The following FAM13A variants were observed in gnomAD, a reference collection of about 807,000 sequenced individuals.
The protein encoded by FAM13A is protein FAM13A.
FAM13A carries 76 observed loss-of-function variants against 129.6 expected under a neutral mutation model. The observed-to-expected ratio is 0.59, with a 90% CI of 0.49 to 0.71. The LOEUF is 0.71. Ranked by LOEUF, FAM13A falls within the 30% of genes least tolerant of loss-of-function variation. The pLI, the probability that FAM13A is intolerant of heterozygous loss-of-function variation, is 0.00. For synonymous variants in FAM13A, 443 were observed against 449.9 expected (o/e 0.98, Z 0.20); for missense variants, 1,108 against 1,249.3 (o/e 0.89, Z 1.70).
intron 7 of FAM13A, among the ~76,000 whole-genome samples, chr4:88,827,811 T>C (rs772522750): frequency 6.6e-6 from 1 of 152,228 alleles, no homozygotes; most frequent in Non-Finnish European, 1.5e-5. Flanking sequence ...CATCCTACCA[T>C]GCTTGCGATT....
chr4:88,841,493 CAAAAAA>C (rs35396785), intron 7 of FAM13A, among the ~76,000 whole-genome samples: 91 of 96,634 alleles, frequency 9.4e-4, no homozygotes, highest in Non-Finnish European at 1.5e-3. Flanking sequence ...GACTCTGTCT[CAAAAAA>C]AAAAAAAAAA....
At chr4:88,827,012 T>C (rs571618671) in intron 7 of FAM13A, among the ~76,000 whole-genome samples, 2 of 152,178 alleles carry the variant, frequency 1.3e-5, no homozygotes, top group Admixed American at 6.5e-5. Context: ...CTTACAGACT[T>C]CCCCCAAATC....
chr4:88,783,895 C>A (rs1560983023), intron 10 of FAM13A, among the ~76,000 whole-genome samples: 1 of 152,058 alleles, frequency 6.6e-6, no homozygotes, highest in Non-Finnish European at 1.5e-5. Flanking sequence ...ACGGACACTT[C>A]TAGCACCTTG....
intron 4 of FAM13A, among the ~76,000 whole-genome samples, chr4:88,987,878 TTA>T (rs1320205928): frequency 7.0e-6 from 1 of 142,140 alleles, no homozygotes; most frequent in South Asian, 2.3e-4. Flanking sequence ...ATAACTTGAC[TTA>T]TATATGACTT....
At chr4:89,053,122 C>T (rs189008788) in intron 1 of FAM13A, among the ~76,000 whole-genome samples, 1 of 152,290 alleles carries the variant, frequency 6.6e-6, no homozygotes, top group Admixed American at 6.5e-5. Flanking sequence ...CAAGTTCTTC[C>T]TTCCACAAAA....
intron 6 of FAM13A, among the ~76,000 whole-genome samples, chr4:88,888,985 CAGTAGGAA>C (rs1744919256): frequency 6.7e-6 from 1 of 148,298 alleles, no homozygotes; most frequent in South Asian, 2.2e-4. Context: ...CTTTCATGAA[CAGTAGGAA>C]AGCTGCATAG....
intron 2 of FAM13A, among the ~76,000 whole-genome samples, chr4:89,026,465 T>G (rs1336142573): frequency 1.3e-5 from 2 of 152,208 alleles, no homozygotes; most frequent in African/African-American, 4.8e-5. Context: ...AAATATAATT[T>G]TGTCATAAAG....
chr4:88,845,148 A>G (rs976185449), intron 7 of FAM13A, among the ~76,000 whole-genome samples: 4 of 152,050 alleles, frequency 2.6e-5, no homozygotes, highest in Admixed American at 1.3e-4. Context: ...GAGGATCACG[A>G]GGGAAAAAAT....
At position 88,837,841 on chromosome 4, in the gene FAM13A, T is replaced by TA. The variant is rs1283975823; in HGVS notation, c.1007+13178dup. 5.3e-5 allele frequency among the ~76,000 whole-genome samples: 8 copies of TA among 152,016 alleles called. No individual in the cohort carries two copies. The East Asian group carries it at 1.4e-3, about 26-fold the overall frequency. On this transcript the variant is annotated intron_variant, in intron 7 of 23. Coordinates refer to ENST00000264344, the MANE Select transcript of FAM13A (RefSeq NM_014883.4). The stretch of plus-strand genomic sequence containing the variant: ...AGTTATATTTATATGTCAATAGATA[T>TA]AGCCCACATAAATGAAATTTCTTTG...
At chr4:88,910,211 T>G (rs375564265) in intron 5 of FAM13A, among the ~76,000 whole-genome samples, 1 of 152,200 alleles carries the variant, frequency 6.6e-6, no homozygotes, top group Non-Finnish European at 1.5e-5. Context: ...TTTTAAACAT[T>G]TGATCTACTT....
chr4:88,850,881 G>C (rs1221284544), intron 7 of FAM13A, 139 bp downstream of exon 7: 2 of 676,676 alleles, frequency 3.0e-6, no homozygotes, highest in East Asian at 2.6e-5. Flanking sequence ...AAAACATAGA[G>C]TGAATTTTAA....
Position 88,922,019 on chromosome 4 carries a change from C to T in FAM13A, c.760-15557G>A, listed in dbSNP as rs1238960741. On this transcript the variant is annotated intron_variant, in intron 5 of 23. Transcript: ENST00000264344. The stretch of plus-strand genomic sequence containing the variant: ...GAGCTAACTATCCTAAATATATATG[C>T]ACCCAATACAGGAGCACCCAGATTC... 3.3e-5 allele frequency among the ~76,000 whole-genome samples: 5 copies of T among 151,822 alleles called. No homozygotes were observed. The South Asian group carries it at 1.0e-3, about 31-fold the overall frequency.
At chr4:88,869,179 C>T (rs184860146) in intron 6 of FAM13A, among the ~76,000 whole-genome samples, 7 of 152,338 alleles carry the variant, frequency 4.6e-5, no homozygotes, top group African/African-American at 1.7e-4. Flanking sequence ...GCCTGGACAA[C>T]TCTAATTGCT....
chr4:88,729,373 G>A (rs778910091), intron 23 of FAM13A: 11 of 152,128 alleles, frequency 7.2e-5, no homozygotes, highest in Non-Finnish European at 1.5e-4. Flanking sequence ...TGGCCACCAC[G>A]CGGTGCGCTG....
chr4:89,038,101 A>T (rs911624179), intron 1 of FAM13A, among the ~76,000 whole-genome samples: 3 of 152,216 alleles, frequency 2.0e-5, no homozygotes, highest in Non-Finnish European at 2.9e-5. Flanking sequence ...ACACTATGGT[A>T]TTGCCAGAAC....
chr4:88,800,992 G>A (rs1727349663), intron 8 of FAM13A, among the ~76,000 whole-genome samples: 1 of 151,860 alleles, frequency 6.6e-6, no homozygotes, highest in South Asian at 2.1e-4. Flanking sequence ...CATACAATAT[G>A]CTTCTTAAGG....
At chr4:88,945,823 T>TAAGTATATATATATTATATATATATATA (rs1755620116) in intron 4 of FAM13A, among the ~76,000 whole-genome samples, 3 of 142,772 alleles carry the variant, frequency 2.1e-5, no homozygotes, top group African/African-American at 2.6e-5. Flanking sequence ...TATATATATA[T>TAAGTATATATATATTATATATATATATA]ACTACATATT....
chr4:88,865,048 T>C (rs1427464509), intron 6 of FAM13A, among the ~76,000 whole-genome samples: 2 of 152,192 alleles, frequency 1.3e-5, no homozygotes, highest in African/African-American at 2.4e-5. Context: ...AAAAATGTAA[T>C]TGGATTCCTT....
intron 13 of FAM13A, among the ~76,000 whole-genome samples, chr4:88,759,863 T>A (rs972933667): frequency 3.3e-5 from 5 of 152,172 alleles, no homozygotes; most frequent in Admixed American, 1.3e-4. Flanking sequence ...AATTTTTTTT[T>A]AAGCCTTGCT....
Sources: allele counts gnomAD v4.1 joint callset (sites outside exome capture counted in the v4.1 genomes callset), GRCh38; gene constraint gnomAD v4.1.1; transcripts MANE v1.5; gene names NCBI Gene and HGNC (gene_info 2026-07-23, HGNC 2026-07-21).